TAFA1: variants seen among roughly 807,000 people sequenced by gnomAD.
TAFA1 encodes the protein TAFA chemokine like family member 1.
In TAFA1, 4 loss-of-function variants were observed where a neutral mutation model predicts 18.5. The observed-to-expected ratio is 0.22, with a 90% confidence interval of 0.11 to 0.49. The LOEUF (loss-of-function observed/expected upper bound fraction) is 0.49, where lower values mean the gene tolerates loss of function less well. TAFA1 is among the 20% of genes least tolerant of loss of function. TAFA1 has a pLI of 0.98. For synonymous variants in TAFA1, 56 were observed against 55.2 expected (o/e 1.01, Z -0.06); for missense variants, 147 against 169.0 (o/e 0.87, Z 0.72).
At chr3:68,270,845 G>A (rs767402551) in intron 2 of TAFA1, among the ~76,000 whole-genome samples, 4 of 152,072 alleles carry the variant, frequency 2.6e-5, no homozygotes, top group African/African-American at 9.7e-5. Context: ...TGAAGCACCT[G>A]GGGGGCATTT....
At chr3:68,007,926 A>C (rs1704393819) in intron 2 of TAFA1, among the ~76,000 whole-genome samples, 2 of 152,158 alleles carry the variant, frequency 1.3e-5, no homozygotes. Context: ...GGGGGCAGGC[A>C]TGTCAGAGCG....
In TAFA1 at chr3:68,544,388, A is replaced by G. The variant is rs969614040; in HGVS notation, c.385-98A>G. 3 of 1,245,836 alleles carry G rather than the reference A, an allele frequency of 2.4e-6. No individual in the cohort carries two copies. In the African/African-American group the frequency reaches 4.5e-5, roughly 19 times the overall value. The allele number at this position is 1,245,836 out of a possible 1,614,324, so 77.2% of individuals were successfully genotyped here. A position where few individuals can be genotyped will look rare whatever the true frequency, so the allele number is the denominator to read the frequency against. On this transcript the variant is annotated intron_variant, in intron 4 of 4. Transcript: ENST00000478136. ...ATCACCTGAAAAAAAGCAACATCCT[A>G]AAGATTCAAGGTGTCCTCCTTTTCT... is the stretch of plus-strand genomic sequence containing the variant.
intron 3 of TAFA1, among the ~76,000 whole-genome samples, chr3:68,437,510 G>A (rs1028320005): frequency 6.6e-6 from 1 of 152,090 alleles, no homozygotes; most frequent in African/African-American, 2.4e-5. Flanking sequence ...CTTCTTCCTA[G>A]GAGTGACTCT....
At chr3:68,009,397 A>C (rs958386917) in intron 2 of TAFA1, among the ~76,000 whole-genome samples, 1 of 152,218 alleles carries the variant, frequency 6.6e-6, no homozygotes, top group Admixed American at 6.5e-5. Flanking sequence ...TCTGGCTGAA[A>C]TTAAACTCAA....
intron 2 of TAFA1, among the ~76,000 whole-genome samples, chr3:68,196,728 T>A (rs1209582107): frequency 1.3e-5 from 2 of 151,734 alleles, no homozygotes; most frequent in Non-Finnish European, 3.0e-5. Flanking sequence ...ACTGGCTCTT[T>A]CACTATGCAG....
intron 2 of TAFA1, among the ~76,000 whole-genome samples, chr3:68,376,755 C>A (rs1315573148): frequency 6.6e-6 from 1 of 152,096 alleles, no homozygotes; most frequent in Non-Finnish European, 1.5e-5. Context: ...ATTTATATTC[C>A]TTTGGGTATA....
chr3:68,311,789 GGTCTGGA>G (rs1392826162), intron 2 of TAFA1, among the ~76,000 whole-genome samples: 1 of 152,180 alleles, frequency 6.6e-6, no homozygotes, highest in Non-Finnish European at 1.5e-5. Flanking sequence ...GCCATTCTGG[GGTCTGGA>G]GGACGGTGGC....
chr3:68,220,826 A>G (rs2066720421), intron 2 of TAFA1, among the ~76,000 whole-genome samples: 3 of 152,144 alleles, frequency 2.0e-5, no homozygotes. Flanking sequence ...CACTCACAGT[A>G]TTCTTGAGTA....
chr3:68,323,027 T>C (rs1208113758), intron 2 of TAFA1, among the ~76,000 whole-genome samples: 2 of 152,136 alleles, frequency 1.3e-5, no homozygotes, highest in Non-Finnish European at 2.9e-5. Context: ...TCAGGACCAG[T>C]TGTGGTCAAT....
chr3:68,093,848 C>G (rs967622829), intron 2 of TAFA1, among the ~76,000 whole-genome samples: 1 of 152,080 alleles, frequency 6.6e-6, no homozygotes, highest in Non-Finnish European at 1.5e-5. Flanking sequence ...TAAATGAGAA[C>G]TTACAGTATA....
chr3:68,200,284 C>A (rs921463910), intron 2 of TAFA1, among the ~76,000 whole-genome samples: 2 of 151,472 alleles, frequency 1.3e-5, no homozygotes, highest in African/African-American at 4.8e-5. Context: ...AGATATTGGT[C>A]TGTAGATTTG....
chr3:68,236,535 T>C (rs1412218957), intron 2 of TAFA1, among the ~76,000 whole-genome samples: 2 of 152,194 alleles, frequency 1.3e-5, no homozygotes, highest in Non-Finnish European at 2.9e-5. Context: ...ACTAATGAAC[T>C]GAACCTATTC....
At chr3:68,424,171 C>A (rs1196280060) in intron 3 of TAFA1, among the ~76,000 whole-genome samples, 1 of 152,004 alleles carries the variant, frequency 6.6e-6, no homozygotes, top group Non-Finnish European at 1.5e-5. Context: ...ACATTTTGCT[C>A]CTGGCTCATC....
At chr3:68,001,812 TA>T (rs373621835), upstream of TAFA1, among the ~76,000 whole-genome samples, 116 of 152,098 alleles carry the variant, frequency 7.6e-4, no homozygotes, top group Non-Finnish European at 1.4e-3. Flanking sequence ...TGCAATTGCT[TA>T]AAAAAAACTA....
intron 2 of TAFA1, among the ~76,000 whole-genome samples, chr3:68,366,473 C>T (rs1291944965): frequency 2.0e-5 from 3 of 152,142 alleles, no homozygotes; most frequent in Non-Finnish European, 1.5e-5. Context: ...AACCATTACA[C>T]AATGTAGTGT....
At chr3:68,062,053 G>A (rs6798735) in intron 2 of TAFA1, among the ~76,000 whole-genome samples, 1 of 152,226 alleles carries the variant, frequency 6.6e-6, no homozygotes, top group Non-Finnish European at 1.5e-5. Context: ...TTTTATTTTA[G>A]ATGCTATCAG....
intron 2 of TAFA1, among the ~76,000 whole-genome samples, chr3:68,391,517 A>G (rs1035051432): frequency 6.6e-6 from 1 of 152,210 alleles, no homozygotes; most frequent in Non-Finnish European, 1.5e-5. Context: ...GAACACCACA[A>G]AGATAATCCT....
At chr3:68,425,810 A>G (rs2071041258) in intron 3 of TAFA1, among the ~76,000 whole-genome samples, 2 of 151,882 alleles carry the variant, frequency 1.3e-5, no homozygotes. Context: ...GCCCACTGGC[A>G]AAAACCATTC....
At chr3:68,260,327 G>C (rs1435389533) in intron 2 of TAFA1, among the ~76,000 whole-genome samples, 2 of 152,068 alleles carry the variant, frequency 1.3e-5, no homozygotes, top group Non-Finnish European at 2.9e-5. Context: ...ATGTGCTGCT[G>C]AATTTGGTTT....
Sources: allele counts gnomAD v4.1 joint callset (sites outside exome capture counted in the v4.1 genomes callset), GRCh38; gene constraint gnomAD v4.1.1; transcripts MANE v1.5; gene names NCBI Gene and HGNC (gene_info 2026-07-23, HGNC 2026-07-21).